Variants in MAPRE2 observed in about 807,000 individuals in gnomAD.
The protein encoded by MAPRE2 is microtubule associated protein RP/EB family member 2, also known as microtubule-associated protein RP/EB family member 2.
Under a neutral mutation model 43.2 loss-of-function variants are expected in MAPRE2, and 13 were observed. That is an observed-to-expected ratio of 0.30 (90% CI 0.20 to 0.48). MAPRE2 has a LOEUF of 0.48. Among genes scored for constraint, MAPRE2 ranks in the 20% least tolerant of loss-of-function variants. The probability of loss-of-function intolerance (pLI) is 0.99; values close to 1 mark genes in which losing one functional copy is unlikely to be tolerated. For synonymous variants in MAPRE2, 135 were observed against 148.8 expected (o/e 0.91, Z 0.68); for missense variants, 161 against 400.2 (o/e 0.40, Z 5.10).
At chr18:35,026,119 G>T (rs981922977) in intron 2 of MAPRE2, among the ~76,000 whole-genome samples, 2 of 152,196 alleles carry the variant, frequency 1.3e-5, no homozygotes, top group Non-Finnish European at 2.9e-5. Context: ...AGACTCATGA[G>T]GTAGGTGAGA....
Position 35,058,374 on chromosome 18 carries a change from A to G in MAPRE2, c.123-11821A>G, listed in dbSNP as rs574667866. Among the ~76,000 whole-genome samples, 8 of 152,374 alleles carry G rather than the reference A, an allele frequency of 5.3e-5. No individual in the cohort carries two copies. In the East Asian group the frequency reaches 1.5e-3, roughly 29 times the overall value. ...AAATACAGACCTTTGGATAGGCACC[A>G]ATCTCTAAGAGTAGAATACTGAGAG... On this transcript the variant is annotated intron_variant, in intron 1 of 6. Coordinates refer to ENST00000300249, the MANE Select transcript of MAPRE2 (RefSeq NM_014268.4).
chr18:35,024,690 G>T (rs907873579), intron 2 of MAPRE2, among the ~76,000 whole-genome samples: 1 of 152,168 alleles, frequency 6.6e-6, no homozygotes, highest in Admixed American at 6.5e-5. Flanking sequence ...TATTCAAGGG[G>T]AATTTAGAAA....
At chr18:35,073,029 T>G (rs614965) in intron 2 of MAPRE2, among the ~76,000 whole-genome samples, 50,066 of 152,040 alleles carry the variant, frequency 0.33, 10,972 homozygotes, top group African/African-American at 0.6. Context: ...TAGACTCTAT[T>G]CTTTTATAAT....
intron 1 of MAPRE2, among the ~76,000 whole-genome samples, chr18:34,998,038 G>A (rs935130937): frequency 2.7e-4 from 41 of 152,026 alleles, no homozygotes; most frequent in African/African-American, 5.6e-4. Context: ...TTGGGGTATC[G>A]GCTCCACAAC....
At chr18:35,006,626 T>C (rs770636205) in intron 2 of MAPRE2, among the ~76,000 whole-genome samples, 20 of 152,216 alleles carry the variant, frequency 1.3e-4, no homozygotes, top group Non-Finnish European at 2.6e-4. Context: ...GGTATAAAAT[T>C]CACTGTATTG....
At chr18:35,061,667 G>A (rs1739406784) in intron 1 of MAPRE2, among the ~76,000 whole-genome samples, 1 of 152,144 alleles carries the variant, frequency 6.6e-6, no homozygotes, top group South Asian at 2.1e-4. Flanking sequence ...CATGCATACG[G>A]CAATTAGTCC....
chr18:35,035,373 G>A (rs1371536263), intron 2 of MAPRE2, among the ~76,000 whole-genome samples: 1 of 147,996 alleles, frequency 6.8e-6, no homozygotes, highest in Non-Finnish European at 1.5e-5. Context: ...GGGGTGGGGG[G>A]AGAGGGGAGG....
At chr18:35,104,946 G>C (rs1463714205) in intron 4 of MAPRE2, among the ~76,000 whole-genome samples, 4 of 152,044 alleles carry the variant, frequency 2.6e-5, no homozygotes, top group Non-Finnish European at 4.4e-5. Flanking sequence ...TTTTTTTCAA[G>C]TTTTCTGTAG....
intron 2 of MAPRE2, among the ~76,000 whole-genome samples, chr18:35,028,607 T>C (rs142168656): frequency 9.2e-5 from 14 of 152,198 alleles, no homozygotes; most frequent in African/African-American, 3.4e-4. Context: ...GGCCTATCTC[T>C]GCATCAATCC....
At chr18:35,092,676 A>G (rs1048670548) in intron 2 of MAPRE2, among the ~76,000 whole-genome samples, 2 of 152,184 alleles carry the variant, frequency 1.3e-5, no homozygotes, top group African/African-American at 4.8e-5. Context: ...TGAAAAGACA[A>G]CCTACAGAAT....
chr18:35,012,588 T>C (rs2097035463), intron 2 of MAPRE2, among the ~76,000 whole-genome samples: 1 of 152,230 alleles, frequency 6.6e-6, no homozygotes, highest in African/African-American at 2.4e-5. Context: ...TTCTGACTCA[T>C]GCTACAACAT....
chr18:34,985,775 T>TAATATATAAAATATATTACATATC (rs2097020682), intron 1 of MAPRE2, among the ~76,000 whole-genome samples: 1 of 106,968 alleles, frequency 9.3e-6, no homozygotes, highest in African/African-American at 3.0e-5. Context: ...TATTACATAT[T>TAATATATAAAATATATTACATATC]TGTTTAATAC....
chr18:34,990,216 TA>T, intron 1 of MAPRE2, among the ~76,000 whole-genome samples: 1 of 152,312 alleles, frequency 6.6e-6, no homozygotes, highest in East Asian at 1.9e-4. Flanking sequence ...GTCTTTCTTA[TA>T]AAAAACATGC....
At chr18:35,039,229 T>G (rs2097052286), upstream of MAPRE2, among the ~76,000 whole-genome samples, 1 of 152,250 alleles carries the variant, frequency 6.6e-6, no homozygotes, top group African/African-American at 2.4e-5. Flanking sequence ...AATTTCAGAC[T>G]GTCCCCCCAA....
chr18:34,992,943 A>G (rs904943923), intron 1 of MAPRE2, among the ~76,000 whole-genome samples: 1 of 152,182 alleles, frequency 6.6e-6, no homozygotes. Context: ...AAGAGTCCAT[A>G]TATCATATCC....
At chr18:35,039,979 G>A (rs2097052753), upstream of MAPRE2, among the ~76,000 whole-genome samples, 1 of 152,154 alleles carries the variant, frequency 6.6e-6, no homozygotes, top group South Asian at 2.1e-4. Flanking sequence ...TGGGGCGGGT[G>A]GACTGCCTGA....
At chr18:35,050,431 C>T (rs1338172125) in intron 1 of MAPRE2, among the ~76,000 whole-genome samples, 1 of 152,106 alleles carries the variant, frequency 6.6e-6, no homozygotes, top group Non-Finnish European at 1.5e-5. Flanking sequence ...TCATTTAGCC[C>T]TTTGAGGTTT....
intron 1 of MAPRE2, among the ~76,000 whole-genome samples, chr18:34,985,459 T>TGTATATTATATAATATATAATATATATA (rs1476092765): frequency 4.3e-5 from 2 of 46,076 alleles, no homozygotes; most frequent in African/African-American, 1.6e-4. Flanking sequence ...ATAACTATAT[T>TGTATATTATATAATATATAATATATATA]GTATATTATA....
At chr18:34,996,580 A>G (rs1257497092) in intron 1 of MAPRE2, among the ~76,000 whole-genome samples, 1 of 152,144 alleles carries the variant, frequency 6.6e-6, no homozygotes, top group Non-Finnish European at 1.5e-5. Context: ...CCCAGCTTCA[A>G]AGTACAACAA....
Sources: allele counts gnomAD v4.1 joint callset (sites outside exome capture counted in the v4.1 genomes callset), GRCh38; gene constraint gnomAD v4.1.1; transcripts MANE v1.5; gene names NCBI Gene and HGNC (gene_info 2026-07-23, HGNC 2026-07-21).